Variants in RIOK2 observed in about 807,000 individuals in gnomAD.
The protein encoded by RIOK2 is RIO kinase 2.
A neutral mutation model predicts 62.4 loss-of-function variants in RIOK2; 46 were observed. The ratio of observed to expected loss-of-function variants is 0.74; its 90% CI spans 0.58 to 0.94. The LOEUF (loss-of-function observed/expected upper bound fraction) is 0.94. Among genes scored for constraint, RIOK2 ranks in the 40% least tolerant of loss-of-function variants. The pLI is 0.00. For synonymous variants in RIOK2, 197 were observed against 216.0 expected, an observed-to-expected ratio of 0.91 and a Z score of 0.77; for missense variants, 574 against 658.0, an observed-to-expected ratio of 0.87 and a Z score of 1.40.
chr5:97,163,142 TG>T lies in RIOK2; in HGVS notation c.1577del (p.Ala526GlufsTer48). The T allele has an allele frequency of 6.2e-7, 1 of 1,613,728 alleles. No individual in the cohort carries two copies. The highest frequency in any genetic ancestry group is 2.2e-5 in the East Asian group (1 of 44,802). ...CCCTACGTTGCTTGGTAAATATATT[TG>T]CTTCTCCTTTCTGCAATCGACGTCT... is the stretch of plus-strand genomic sequence containing the variant. The part of the protein sequence containing the change: ...AVRRRLQKGE[A>X]NIFTKQRREN... On this transcript the variant is annotated frameshift_variant, in exon 10 of 10. Transcript: ENST00000283109. LOFTEE classifies it high-confidence loss of function.
Position 97,171,326 on chromosome 5 carries a change from G to GC in RIOK2, c.658dup (p.Ala220GlyfsTer11). The GC allele has an allele frequency of 6.2e-7, 1 of 1,609,480 alleles. No individual in the cohort carries two copies. Among genetic ancestry groups the GC allele is most frequent in the Non-Finnish European group, 8.5e-7 (1 of 1,177,980 alleles). The stretch of plus-strand genomic sequence containing the variant: ...ATCTCCATGAATCAGCCCATGATTT[G>GC]CAAGTTTGACAATTAGTTCCATAGC... On this transcript the variant is annotated frameshift_variant, in exon 6 of 10. Coordinates refer to ENST00000283109, the MANE Select transcript of RIOK2 (RefSeq NM_018343.3). LOFTEE classifies it high-confidence loss of function.
chr5:97,171,115 C>T (rs1315576466), intron 6 of RIOK2, 91 bp downstream of exon 6: 14 of 867,790 alleles, frequency 1.6e-5, no homozygotes, highest in African/African-American at 5.3e-5. Flanking sequence ...GAGCCGAGAT[C>T]GCGCCATTGC....
rs747977147 is a variant in RIOK2 at position 97,161,916 on chromosome 5, AG to A, written c.*1144del. On this transcript the variant is annotated 3_prime_UTR_variant, in exon 10 of 10. Transcript: ENST00000283109. ...AAGGGTATTTAAATATTTGAATGTCAGGTAACTTTTGAGGGAAGAGGAATTG... is the reference window on the plus strand; with the variant it reads ...AAGGGTATTTAAATATTTGAATGTCAGTAACTTTTGAGGGAAGAGGAATTG... 6.6e-6 allele frequency: 1 copy of A among 152,234 alleles called. No homozygotes were observed. Among genetic ancestry groups the A allele is most frequent in the Non-Finnish European group, 1.5e-5 (1 of 68,026 alleles). 9.4% of individuals were successfully genotyped at this position (152,234 alleles called of 1,614,324 possible).
chr5:97,173,297 ACAGGT>A (rs1373151400), intron 4 of RIOK2, 34 bp from the exon 5 acceptor site: 2 of 1,264,350 alleles, frequency 1.6e-6, no homozygotes, highest in African/African-American at 2.9e-5. Flanking sequence ...AAGCTAATGA[ACAGGT>A]CATTACTCTT....
rs1561514471 is a variant in RIOK2 at position 97,163,207 on chromosome 5, C to T, written c.1513G>A (p.Val505Met). The change falls in exon 10 of 10, where the codon GTG becomes ATG. Residue 505 changes from valine to methionine, a missense_variant. Coordinates refer to ENST00000283109, the MANE Select transcript of RIOK2 (RefSeq NM_018343.3). ...TGCTGTTTTGTCAACTGACGTTTCA[C>T]CTTCTGTTTCACCAGTTCCTGGAAA... The part of the protein sequence containing the change: ...TIPPELVKQK[V>M]KRQLTKQQKS... The T allele has an allele frequency of 2.5e-6, 4 of 1,613,396 alleles. No individual in the cohort carries two copies. The highest frequency in any genetic ancestry group is 2.5e-6 in the Non-Finnish European group (3 of 1,179,782).
rs1484857804 is a variant in RIOK2, at chr5:97,167,880, TG to T, written c.983del (p.Thr328LysfsTer32). 1 of 1,613,692 alleles carries T rather than the reference TG, an allele frequency of 6.2e-7. No homozygotes were observed. Among genetic ancestry groups the T allele is most frequent in the Non-Finnish European group, 8.5e-7 (1 of 1,180,016 alleles). On this transcript the variant is annotated frameshift_variant, in exon 8 of 10. Transcript: ENST00000283109. LOFTEE classifies it high-confidence loss of function. The part of the protein sequence containing the change: ...PLGPDDKNIE[T>X]KEGSEFSFSD... ...AAAATGAGAATTCAGATCCCTCTTT[TG>T]TTTCAATATTTTTATCATCTGGACC... is the stretch of plus-strand genomic sequence containing the variant.
At chr5:97,166,785 T>G in intron 8 of RIOK2, 1 of 986,268 alleles carries the variant, frequency 1.0e-6, no homozygotes, top group Non-Finnish European at 1.2e-6. Flanking sequence ...TTTTAATATT[T>G]ACATGCCTTT....
chr5:97,177,086 A>C (rs748271640), intron 4 of RIOK2, 30 bp downstream of exon 4: 75 of 1,588,612 alleles, frequency 4.7e-5, no homozygotes, highest in Non-Finnish European at 6.3e-5. Context: ...TTTGGCTAAA[A>C]AATGCATGAC....
chr5:97,162,793 A>C lies in RIOK2; in HGVS notation c.*268T>G. ...CATCCTCAACAAACAGAAAACAACA[A>C]AAATGTTATTTAGATTTTTAAAAAT... On this transcript the variant is annotated 3_prime_UTR_variant, in exon 10 of 10. Transcript: ENST00000283109. The C allele has an allele frequency of 2.9e-6, 1 of 349,032 alleles. No individual in the cohort carries two copies. The highest frequency in any genetic ancestry group is 5.2e-6 in the Non-Finnish European group (1 of 193,950). The allele number at this position is 349,032 out of a possible 1,614,324, so 21.6% of individuals were successfully genotyped here.
At chr5:97,178,923 G>A (rs1204241816) in intron 2 of RIOK2, 132 bp downstream of exon 2, 6 of 1,007,900 alleles carry the variant, frequency 6.0e-6, no homozygotes, top group Admixed American at 2.2e-5. Flanking sequence ...GGATATGGCC[G>A]AAGTGTGTTC....
intron 5 of RIOK2, among the ~76,000 whole-genome samples, chr5:97,171,677 T>G (rs1749013542): frequency 6.6e-6 from 1 of 152,154 alleles, no homozygotes; most frequent in African/African-American, 2.4e-5. Context: ...TACTCTCTCA[T>G]ACCATTTCAA....
intron 6 of RIOK2, among the ~76,000 whole-genome samples, chr5:97,169,603 C>T (rs1748943331): frequency 6.6e-6 from 1 of 152,108 alleles, no homozygotes; most frequent in Admixed American, 6.5e-5. Flanking sequence ...GAAGATAATG[C>T]CTCTCCTCTT....
At chr5:97,167,281 AG>A in intron 8 of RIOK2, 185 bp downstream of exon 8, 13 of 1,436,634 alleles carry the variant, frequency 9.0e-6, no homozygotes, top group Non-Finnish European at 1.2e-5. Flanking sequence ...GCCTAGAATC[AG>A]GTCAATTGAA....
rs542017977 is a variant in RIOK2 at position 97,165,473 on chromosome 5, A to C, written c.1398-326T>G. Among the ~76,000 whole-genome samples, 13 of 152,202 alleles carry C rather than the reference A, an allele frequency of 8.5e-5. No homozygotes were observed. The South Asian group carries it at 2.7e-3, about 32-fold the overall frequency. On this transcript the variant is annotated intron_variant, in intron 8 of 9. Coordinates refer to ENST00000283109, the MANE Select transcript of RIOK2 (RefSeq NM_018343.3). ...TCCTCTTCTTTCACTGAACTATATAAATCTGTCTCTCCCTATCTAAATTTT... is the reference window on the plus strand; with the variant it reads ...TCCTCTTCTTTCACTGAACTATATACATCTGTCTCTCCCTATCTAAATTTT...
At chr5:97,171,829 C>A (rs774804569) in intron 5 of RIOK2, among the ~76,000 whole-genome samples, 1 of 151,934 alleles carries the variant, frequency 6.6e-6, no homozygotes, top group African/African-American at 2.4e-5. Context: ...ATAGCATGTA[C>A]GGGCCAGGCG....
Position 97,177,267 on chromosome 5 carries a change from T to C in RIOK2, c.347A>G (p.Glu116Gly). 8 of 1,612,450 alleles carry C rather than the reference T, an allele frequency of 5.0e-6. No homozygotes were observed. The highest frequency in any genetic ancestry group is 4.5e-5 in the East Asian group (2 of 44,770). ...AAGCTTTAATGCAAATTGTTGTCCT[T>C]CTTCATTTGCAACAATGTAAATATC... ...ESDIYIVANE[E>G]GQQFALKLHR... The change falls in exon 4 of 10, where the codon GAA (glutamate) becomes GGA (glycine). Residue 116 changes from glutamate (E) to glycine (G), a missense_variant. By Grantham distance (98) the Glu-to-Gly change is moderately conservative. Coordinates refer to ENST00000283109, the MANE Select transcript of RIOK2 (RefSeq NM_018343.3).
chr5:97,168,847 A>T lies in RIOK2; in HGVS notation c.785T>A (p.Phe262Tyr). ...STSHPNAEWY[F>Y]DRDVKCIKDF... ...TTTAATGCATTTAACATCTCTGTCA[A>T]AATACCTGCAAAAGCAAGAATCATT... The change falls in exon 7 of 10, where the codon TTT becomes TAT. Residue 262 changes from phenylalanine (F) to tyrosine (Y), a missense_variant. Phe to Tyr is a conservative substitution (Grantham distance 22, BLOSUM62 3). Transcript: ENST00000283109. 6.4e-7 allele frequency: 1 copy of T among 1,573,236 alleles called. No individual in the cohort carries two copies. Among genetic ancestry groups the T allele is most frequent in the Non-Finnish European group, 8.6e-7 (1 of 1,159,852 alleles).
intron 4 of RIOK2, 96 bp from the exon 5 acceptor site, chr5:97,173,359 A>C (rs560996450): frequency 4.2e-5 from 31 of 744,510 alleles, no homozygotes; most frequent in East Asian, 4.0e-4. Flanking sequence ...CAGAAAAAAA[A>C]CACACAAACC....
intron 7 of RIOK2, 116 bp from the exon 8 acceptor site, chr5:97,168,107 A>G: frequency 1.9e-6 from 2 of 1,075,416 alleles, no homozygotes; most frequent in Non-Finnish European, 2.5e-6. Context: ...TTATATGTTA[A>G]AAATAAATTT....
Sources: allele counts gnomAD v4.1 joint callset (sites outside exome capture counted in the v4.1 genomes callset), GRCh38; gene constraint gnomAD v4.1.1; transcripts MANE v1.5; gene names NCBI Gene and HGNC (gene_info 2026-07-23, HGNC 2026-07-21).